Variants in NEK5 observed in about 807,000 individuals in gnomAD.
The protein encoded by NEK5 is serine/threonine-protein kinase Nek5.
Under a neutral mutation model 109.2 loss-of-function variants are expected in NEK5, and 88 were observed. The ratio of observed to expected loss-of-function variants is 0.81; its 90% CI spans 0.68 to 0.96. NEK5 has a LOEUF of 0.96. NEK5 is among the 40% of genes least tolerant of loss of function. The probability of loss-of-function intolerance (pLI) is 0.00; values close to 1 mark genes in which losing one functional copy is unlikely to be tolerated. For synonymous variants in NEK5, 283 were observed against 299.9 expected (o/e 0.94, Z 0.58); for missense variants, 834 against 920.7 (o/e 0.91, Z 1.22).
chr13:52,082,643 A>G (rs1186801149), intron 17 of NEK5, among the ~76,000 whole-genome samples: 2 of 152,214 alleles, frequency 1.3e-5, no homozygotes, highest in Non-Finnish European at 2.9e-5. Flanking sequence ...CACCAAAAAC[A>G]TAAGGTTGAA....
intron 9 of NEK5, among the ~76,000 whole-genome samples, chr13:52,103,312 T>A (rs1045968117): frequency 2.6e-5 from 4 of 152,166 alleles, no homozygotes; most frequent in Non-Finnish European, 4.4e-5. Context: ...GTGCCTGTAA[T>A]CCCAGCTCCT....
At chr13:52,080,114 G>C (rs1423273601) in intron 17 of NEK5, among the ~76,000 whole-genome samples, 1 of 151,586 alleles carries the variant, frequency 6.6e-6, no homozygotes, top group Non-Finnish European at 1.5e-5. Flanking sequence ...CAGCCACCCC[G>C]TCTGGGAGGT....
intron 13 of NEK5, among the ~76,000 whole-genome samples, chr13:52,092,277 C>T (rs1168302003): frequency 1.3e-5 from 2 of 152,136 alleles, no homozygotes; most frequent in Non-Finnish European, 2.9e-5. Context: ...ATATACATTA[C>T]ATCATAATTA....
intron 3 of NEK5, among the ~76,000 whole-genome samples, chr13:52,124,495 T>C (rs902189191): frequency 6.6e-6 from 1 of 152,238 alleles, no homozygotes; most frequent in African/African-American, 2.4e-5. Flanking sequence ...TACAACATGA[T>C]TGCTAATAGC....
chr13:52,102,004 T>TATAAAA lies in NEK5; in HGVS notation c.820_821insTTTTAT (p.Glu274delinsValLeuTer), dbSNP rs1478369404. 5.0e-6 allele frequency: 8 copies of TATAAAA among 1,614,030 alleles called. No homozygotes were observed. The highest frequency in any genetic ancestry group is 6.8e-6 in the Non-Finnish European group (8 of 1,180,004). On this transcript the variant is annotated stop_gained and protein_altering_variant, in exon 11 of 24. Transcript: ENST00000684899. LOFTEE classifies it high-confidence loss of function. ...GCATATAAGCATGTGACTGAATTCTTCCTGAATGACCTAAAACCGAACACA... is the reference window on the plus strand; with the variant it reads ...GCATATAAGCATGTGACTGAATTCTTATAAAACCTGAATGACCTAAAACCGAACACA...
At chr13:52,065,885 C>T (rs1954681860) in intron 20 of NEK5, among the ~76,000 whole-genome samples, 1 of 152,172 alleles carries the variant, frequency 6.6e-6, no homozygotes, top group Non-Finnish European at 1.5e-5. Context: ...TCTATGAGAA[C>T]TTTCAATCTA....
intron 19 of NEK5, among the ~76,000 whole-genome samples, chr13:52,073,293 A>T (rs1954811952): frequency 6.6e-6 from 1 of 151,972 alleles, no homozygotes; most frequent in Non-Finnish European, 1.5e-5. Flanking sequence ...TGGAGGACTC[A>T]TTTGAACACC....
chr13:52,072,276 A>C (rs1280251344), intron 19 of NEK5, among the ~76,000 whole-genome samples: 1 of 152,246 alleles, frequency 6.6e-6, no homozygotes, highest in Non-Finnish European at 1.5e-5. Flanking sequence ...TCTCCATGTT[A>C]ACAGTGTCAA....
intron 13 of NEK5, among the ~76,000 whole-genome samples, 179 bp from the exon 14 acceptor site, chr13:52,089,492 C>G (rs867841437): frequency 2.0e-5 from 3 of 151,796 alleles, no homozygotes; most frequent in Non-Finnish European, 2.9e-5. Flanking sequence ...ATTTTGGAAT[C>G]AAAAGGAAAA....
intron 3 of NEK5, among the ~76,000 whole-genome samples, chr13:52,121,926 T>C (rs1955978064): frequency 1.3e-5 from 2 of 151,522 alleles, no homozygotes. Flanking sequence ...TACAGGGGTG[T>C]TTTGCTAGCT....
intron 17 of NEK5, among the ~76,000 whole-genome samples, chr13:52,082,046 T>C (rs1410369993): frequency 6.6e-6 from 1 of 152,234 alleles, no homozygotes; most frequent in Non-Finnish European, 1.5e-5. Context: ...TCAGGCGGGG[T>C]GGCTCATGCC....
intron 3 of NEK5, among the ~76,000 whole-genome samples, chr13:52,125,269 T>C (rs9535875): frequency 0.036 from 5,495 of 152,300 alleles, 137 homozygotes; most frequent in South Asian, 0.091. Context: ...AATAGATTAA[T>C]AACATAGATG....
At chr13:52,088,576 A>C (rs1225617042) in intron 14 of NEK5, among the ~76,000 whole-genome samples, 1 of 152,016 alleles carries the variant, frequency 6.6e-6, no homozygotes, top group African/African-American at 2.4e-5. Context: ...TTTAATGTGC[A>C]GCAGAATCTT....
chr13:52,062,134 C>T (rs903606409), intron 21 of NEK5, 181 bp from the exon 22 acceptor site: 1 of 152,278 alleles, frequency 6.6e-6, no homozygotes, highest in African/African-American at 2.4e-5. Flanking sequence ...AAGAGTCATT[C>T]ATTGCTTTGT....
chr13:52,035,273 TCA>T lies in NEK5; in HGVS notation c.*1673_*1674del, dbSNP rs1954350306. On this transcript the variant is annotated 3_prime_UTR_variant, in exon 24 of 24. Transcript: ENST00000684899. ...ATAGTCACAAAAAACTGGATGTACC[TCA>T]GGTGACTCCTAAGACTTGCATTCTC... 6.6e-6 allele frequency: 1 copy of T among 152,224 alleles called. No individual in the cohort carries two copies. The highest frequency in any genetic ancestry group is 2.4e-5 in the African/African-American group (1 of 41,456). The allele number at this position is 152,224 out of a possible 1,614,324, so 9.4% of individuals were successfully genotyped here. A position where few individuals can be genotyped will look rare whatever the true frequency, so the allele number is the denominator to read the frequency against.
Position 52,109,921 on chromosome 13 carries a change from C to T in NEK5, c.467+419G>A, listed in dbSNP as rs192449808. ...ACAAAACCAGGTTGTAGACCGGCCACCTTGGGTACATGTTCTTAGGATCTC... is the reference window on the plus strand; with the variant it reads ...ACAAAACCAGGTTGTAGACCGGCCATCTTGGGTACATGTTCTTAGGATCTC... On this transcript the variant is annotated intron_variant, in intron 7 of 23. Coordinates refer to ENST00000684899, the MANE Select transcript of NEK5 (RefSeq NM_001365552.1). 1.9e-3 allele frequency among the ~76,000 whole-genome samples: 294 copies of T among 152,264 alleles called. 1 individual carries two copies. Among genetic ancestry groups the T allele is most frequent in the Non-Finnish European group, 3.5e-3 (240 of 68,028 alleles).
chr13:52,081,354 T>C (rs917151340), intron 17 of NEK5, among the ~76,000 whole-genome samples: 2 of 152,194 alleles, frequency 1.3e-5, no homozygotes, highest in Admixed American at 6.5e-5. Context: ...TCAGGAAATA[T>C]CAGATGCCTT....
chr13:52,062,353 T>C (rs1954620316), intron 21 of NEK5, among the ~76,000 whole-genome samples: 1 of 152,110 alleles, frequency 6.6e-6, no homozygotes, highest in African/African-American at 2.4e-5. Context: ...AAATAAGTAA[T>C]AAAAATCTTT....
intron 23 of NEK5, among the ~76,000 whole-genome samples, chr13:52,049,020 T>C (rs1402668754): frequency 6.6e-6 from 1 of 152,208 alleles, no homozygotes; most frequent in African/African-American, 2.4e-5. Context: ...TGTGACGTAA[T>C]ACATATATTT....
Sources: allele counts gnomAD v4.1 joint callset (sites outside exome capture counted in the v4.1 genomes callset), GRCh38; gene constraint gnomAD v4.1.1; transcripts MANE v1.5; gene names NCBI Gene and HGNC (gene_info 2026-07-23, HGNC 2026-07-21).